PACRG: variants seen among roughly 807,000 people sequenced by gnomAD.
PACRG encodes the protein parkin coregulated gene protein.
Under a neutral mutation model 29.7 loss-of-function variants are expected in PACRG, and 29 were observed. That is an observed-to-expected ratio of 0.98 (90% CI 0.73 to 1.33). The LOEUF (loss-of-function observed/expected upper bound fraction) is 1.33. Ranked by LOEUF, PACRG falls within the 40% of genes most tolerant of loss-of-function variation. PACRG has a pLI of 0.00. For missense variants in PACRG, 279 were observed against 316.2 expected, an observed-to-expected ratio of 0.88 and a Z score of 0.89; for synonymous variants, 116 against 118.7, an observed-to-expected ratio of 0.98 and a Z score of 0.15.
At chr6:163,132,679 T>G (rs1473583290) in intron 4 of PACRG, among the ~76,000 whole-genome samples, 2 of 152,188 alleles carry the variant, frequency 1.3e-5, no homozygotes, top group South Asian at 2.1e-4. Context: ...ACCTCCTCAG[T>G]AGGAGCTATA....
At chr6:163,274,861 C>CTTTTTTTTT (rs58333018) in intron 4 of PACRG, among the ~76,000 whole-genome samples, 12 of 126,320 alleles carry the variant, frequency 9.5e-5, no homozygotes, top group African/African-American at 2.4e-4. Context: ...TTCTTTCTTT[C>CTTTTTTTTT]TTTTTTTTTT....
At chr6:163,224,581 A>G (rs1781714009) in intron 4 of PACRG, among the ~76,000 whole-genome samples, 1 of 152,114 alleles carries the variant, frequency 6.6e-6, no homozygotes, top group Non-Finnish European at 1.5e-5. Flanking sequence ...AACATAACAC[A>G]GGGAAGGGAC....
intron 2 of PACRG, among the ~76,000 whole-genome samples, chr6:162,958,901 A>T (rs1184908771): frequency 1.9e-5 from 1 of 53,706 alleles, no homozygotes; most frequent in African/African-American, 6.7e-5. Context: ...AGAGAGAGAG[A>T]GAGAGAGAGA....
In PACRG at chr6:162,897,149, C is replaced by T. The variant is rs982013567; in HGVS notation, c.291+82868C>T. On this transcript the variant is annotated intron_variant, in intron 2 of 4. Coordinates refer to ENST00000366888, the MANE Select transcript of PACRG (RefSeq NM_001080379.2). ...AACAAAACTTGAAAAACCTAGTATT[C>T]TTATTGCTTGCATGTGAGAGAAATT... 3.9e-5 allele frequency among the ~76,000 whole-genome samples: 6 copies of T among 152,208 alleles called. No individual in the cohort carries two copies. The South Asian group carries it at 8.3e-4, about 21-fold the overall frequency.
chr6:163,028,707 C>G (rs9689932), intron 2 of PACRG, among the ~76,000 whole-genome samples: 1 of 152,050 alleles, frequency 6.6e-6, no homozygotes, highest in Non-Finnish European at 1.5e-5. Flanking sequence ...TTACTTAATA[C>G]GAAACTCTAA....
At chr6:163,192,573 G>A (rs796601666) in intron 4 of PACRG, among the ~76,000 whole-genome samples, 18 of 152,212 alleles carry the variant, frequency 1.2e-4, no homozygotes, top group African/African-American at 4.1e-4. Context: ...AATGTCTATT[G>A]CCTTATTTTT....
chr6:162,759,229 A>G (rs1159491821), intron 1 of PACRG, among the ~76,000 whole-genome samples: 1 of 152,210 alleles, frequency 6.6e-6, no homozygotes, highest in Non-Finnish European at 1.5e-5. Flanking sequence ...AATTGGCACT[A>G]CAAGGAGTAA....
chr6:163,217,573 GCT>G (rs953245037), intron 4 of PACRG, among the ~76,000 whole-genome samples: 1 of 152,342 alleles, frequency 6.6e-6, no homozygotes, highest in African/African-American at 2.4e-5. Flanking sequence ...ACTGGTCTGT[GCT>G]CTGTTAGGAA....
intron 1 of PACRG, among the ~76,000 whole-genome samples, chr6:162,750,372 C>T (rs1691681644): frequency 2.0e-5 from 3 of 152,146 alleles, no homozygotes; most frequent in African/African-American, 7.2e-5. Context: ...ACTTCTCAAA[C>T]ATTCACACTG....
intron 4 of PACRG, among the ~76,000 whole-genome samples, chr6:163,291,152 G>T (rs1444572337): frequency 6.7e-6 from 1 of 148,536 alleles, no homozygotes; most frequent in Non-Finnish European, 1.5e-5. Flanking sequence ...GAGCTGGCCT[G>T]CGGGTCACCC....
Position 163,206,747 on chromosome 6 carries a change from G to A in PACRG, c.614-108080G>A, listed in dbSNP as rs183158628. Among the ~76,000 whole-genome samples, 6 of 152,334 alleles carry A rather than the reference G, an allele frequency of 3.9e-5. No individual in the cohort carries two copies. The East Asian group carries it at 9.6e-4, about 24-fold the overall frequency. On this transcript the variant is annotated intron_variant, in intron 4 of 4. Transcript: ENST00000366888. ...TATTTCTCAGACTCTTGGAGAAGCT[G>A]TCCCCTCACAGGGAATGGGGAGAAC...
chr6:163,125,760 T>C (rs1816488933), intron 4 of PACRG, among the ~76,000 whole-genome samples: 1 of 152,242 alleles, frequency 6.6e-6, no homozygotes. Flanking sequence ...GATAATTAGC[T>C]TTCTTTTAAT....
chr6:162,829,811 A>G (rs1290762159), intron 2 of PACRG, among the ~76,000 whole-genome samples: 1 of 152,128 alleles, frequency 6.6e-6, no homozygotes, highest in Non-Finnish European at 1.5e-5. Flanking sequence ...TGTGTGAGAG[A>G]ACTTCCTGCT....
At chr6:163,147,818 C>T (rs1003641867) in intron 4 of PACRG, among the ~76,000 whole-genome samples, 2 of 152,172 alleles carry the variant, frequency 1.3e-5, no homozygotes, top group Non-Finnish European at 2.9e-5. Flanking sequence ...CTTCACATCT[C>T]CCAGCCCCGG....
At chr6:162,817,667 T>A (rs1787473554) in intron 2 of PACRG, among the ~76,000 whole-genome samples, 3 of 152,208 alleles carry the variant, frequency 2.0e-5, no homozygotes, top group African/African-American at 7.2e-5. Flanking sequence ...TATTTAATTT[T>A]AATTAATTTT....
At chr6:163,205,567 G>C (rs1780869263) in intron 4 of PACRG, among the ~76,000 whole-genome samples, 1 of 152,042 alleles carries the variant, frequency 6.6e-6, no homozygotes, top group Admixed American at 6.6e-5. Flanking sequence ...AACTCAAGAT[G>C]GATAAAATAC....
intron 1 of PACRG, among the ~76,000 whole-genome samples, chr6:162,728,621 G>A (rs1779475493): frequency 6.6e-6 from 1 of 152,154 alleles, no homozygotes; most frequent in Non-Finnish European, 1.5e-5. Context: ...GCACCTTCCT[G>A]ATAACTTATG....
chr6:163,128,283 A>G (rs1036122092), intron 4 of PACRG, among the ~76,000 whole-genome samples: 3 of 152,196 alleles, frequency 2.0e-5, no homozygotes, highest in African/African-American at 7.2e-5. Flanking sequence ...AAAGAATCAT[A>G]ATTTAGTTCT....
chr6:162,913,082 T>C (rs1476139847), intron 2 of PACRG, among the ~76,000 whole-genome samples: 2 of 152,248 alleles, frequency 1.3e-5, no homozygotes, highest in Non-Finnish European at 1.5e-5. Flanking sequence ...CCTTTAGGCT[T>C]ATTTGTGTGT....
Sources: allele counts gnomAD v4.1 joint callset (sites outside exome capture counted in the v4.1 genomes callset), GRCh38; gene constraint gnomAD v4.1.1; transcripts MANE v1.5; gene names NCBI Gene and HGNC (gene_info 2026-07-23, HGNC 2026-07-21).